Variants in GRIK2 observed in about 807,000 individuals in gnomAD.
GRIK2 encodes glutamate receptor ionotropic, kainate 2.
In GRIK2, 32 loss-of-function variants were observed where a neutral mutation model predicts 100.3. The ratio of observed to expected loss-of-function variants is 0.32; its 90% CI spans 0.24 to 0.43. The LOEUF is 0.43. GRIK2 is among the 20% of genes least tolerant of loss of function. The pLI is 1.00. For synonymous variants in GRIK2, 417 were observed against 389.4 expected, an observed-to-expected ratio of 1.07 and a Z score of -0.83; for missense variants, 843 against 1,114.9, an observed-to-expected ratio of 0.76 and a Z score of 3.47.
At chr6:101,752,789 A>T (rs530128940) in intron 7 of GRIK2, among the ~76,000 whole-genome samples, 7 of 152,204 alleles carry the variant, frequency 4.6e-5, no homozygotes, top group African/African-American at 1.4e-4. Context: ...AATATTGCAT[A>T]TGTAAGAGTA....
chr6:101,860,435 A>G (rs7755723), intron 11 of GRIK2, among the ~76,000 whole-genome samples: 1,625 of 152,236 alleles, frequency 0.011, 31 homozygotes, highest in African/African-American at 0.038. Context: ...GAAAGGAGAA[A>G]CTTGTGCATG....
At chr6:101,938,496 GATGGTAAATGTCTTATTCTTAA>G (rs1165929579) in intron 14 of GRIK2, among the ~76,000 whole-genome samples, 1 of 152,060 alleles carries the variant, frequency 6.6e-6, no homozygotes, top group Non-Finnish European at 1.5e-5. Context: ...GTCAAACATT[GATGGTAAATGTCTTATTCTTAA>G]AGAGATCTTA....
chr6:101,668,656 G>A (rs1770208900), intron 4 of GRIK2, among the ~76,000 whole-genome samples: 1 of 152,170 alleles, frequency 6.6e-6, no homozygotes. Flanking sequence ...GGTTGAGTCT[G>A]AGCTTGCATA....
chr6:101,696,327 A>C (rs1316726935), intron 7 of GRIK2, among the ~76,000 whole-genome samples: 1 of 151,608 alleles, frequency 6.6e-6, no homozygotes, highest in Non-Finnish European at 1.5e-5. Context: ...CAATAATCCT[A>C]CCTCTGATGT....
chr6:102,022,129 A>G (rs1164011227), intron 14 of GRIK2, among the ~76,000 whole-genome samples: 2 of 119,440 alleles, frequency 1.7e-5, no homozygotes, highest in African/African-American at 3.9e-5. Flanking sequence ...GAGTCTGTCT[A>G]TATAACACAC....
intron 3 of GRIK2, among the ~76,000 whole-genome samples, chr6:101,623,505 T>A (rs1183466569): frequency 6.6e-6 from 1 of 152,104 alleles, no homozygotes; most frequent in Non-Finnish European, 1.5e-5. Context: ...AAGTTCTGCC[T>A]CTAATGAAAG....
intron 2 of GRIK2, among the ~76,000 whole-genome samples, chr6:101,436,326 A>G (rs1475501341): frequency 2.0e-5 from 3 of 152,056 alleles, no homozygotes; most frequent in African/African-American, 7.2e-5. Context: ...TGAGTGATTC[A>G]GGATAGTGCA....
chr6:101,405,070 A>C (rs1208992378), intron 2 of GRIK2, among the ~76,000 whole-genome samples: 1 of 152,054 alleles, frequency 6.6e-6, no homozygotes, highest in Admixed American at 6.5e-5. Flanking sequence ...CACAGAACAC[A>C]ACTCTTACCG....
In GRIK2 at chr6:101,647,895, T is replaced by G. The variant is rs373346826; in HGVS notation, c.541+21258T>G. ...GTGCTAGTCTCAAATATTCATGGCT[T>G]AGGCAAGAGTTTATCAACCTTGGTG... On this transcript the variant is annotated intron_variant, in intron 4 of 16. Coordinates refer to ENST00000369134, the MANE Select transcript of GRIK2 (RefSeq NM_021956.5). 1.2e-3 allele frequency among the ~76,000 whole-genome samples: 184 copies of G among 152,114 alleles called. 6 individuals carry two copies. In the South Asian group the frequency reaches 0.036, roughly 30 times the overall value.
intron 9 of GRIK2, among the ~76,000 whole-genome samples, chr6:101,803,370 A>G (rs76356739): frequency 0.046 from 6,935 of 151,894 alleles, 188 homozygotes; most frequent in Non-Finnish European, 0.057. Context: ...CATTTTTGAT[A>G]GTGTCCCCAA....
intron 14 of GRIK2, among the ~76,000 whole-genome samples, chr6:102,024,700 G>A (rs189264249): frequency 1.3e-5 from 2 of 151,314 alleles, no homozygotes; most frequent in East Asian, 3.9e-4. Flanking sequence ...TATTAAAGCT[G>A]TACTCAAAAT....
chr6:101,397,819 GAT>G (rs1775073304), intron 1 of GRIK2, among the ~76,000 whole-genome samples: 1 of 151,914 alleles, frequency 6.6e-6, no homozygotes, highest in South Asian at 2.1e-4. Context: ...TTAATGATAA[GAT>G]ATAGGTCCAA....
At chr6:101,989,854 TTA>T (rs202126876) in intron 14 of GRIK2, among the ~76,000 whole-genome samples, 2 of 150,836 alleles carry the variant, frequency 1.3e-5, no homozygotes, top group African/African-American at 2.4e-5. Flanking sequence ...AACCATGAAA[TTA>T]TATATATATA....
chr6:101,602,181 C>A (rs1474157798), intron 2 of GRIK2, among the ~76,000 whole-genome samples: 1 of 151,468 alleles, frequency 6.6e-6, no homozygotes, highest in Non-Finnish European at 1.5e-5. Flanking sequence ...ATTGTTTATG[C>A]AGAAGTCATT....
At chr6:101,415,796 G>T (rs1456184403) in intron 2 of GRIK2, among the ~76,000 whole-genome samples, 1 of 151,962 alleles carries the variant, frequency 6.6e-6, no homozygotes, top group Non-Finnish European at 1.5e-5. Context: ...CTGGCTCTCC[G>T]GCCTTTGAGC....
intron 4 of GRIK2, among the ~76,000 whole-genome samples, chr6:101,639,124 C>A (rs1781163173): frequency 1.3e-5 from 2 of 152,160 alleles, no homozygotes; most frequent in South Asian, 4.1e-4. Context: ...ACTGCAACCC[C>A]CACCTTCCGG....
intron 10 of GRIK2, among the ~76,000 whole-genome samples, chr6:101,831,050 C>G (rs1430890140): frequency 6.6e-6 from 1 of 151,948 alleles, no homozygotes; most frequent in Non-Finnish European, 1.5e-5. Flanking sequence ...CATGAGAAGC[C>G]CAAACTTCAG....
chr6:101,895,856 T>C (rs1787405734), intron 12 of GRIK2, among the ~76,000 whole-genome samples: 1 of 151,792 alleles, frequency 6.6e-6, no homozygotes, highest in Non-Finnish European at 1.5e-5. Flanking sequence ...TAAAATTTAC[T>C]GAAAATTTAG....
chr6:101,561,474 G>C (rs867614365), intron 2 of GRIK2, among the ~76,000 whole-genome samples: 2 of 152,010 alleles, frequency 1.3e-5, no homozygotes, highest in African/African-American at 4.8e-5. Context: ...TTGTATAGTA[G>C]GGAAGTTATA....
Sources: gnomAD v4.1 joint callset for allele counts (sites outside exome capture counted in the v4.1 genomes callset) on GRCh38, gnomAD v4.1.1 for gene constraint, MANE v1.5 for transcripts, NCBI Gene and HGNC (gene_info 2026-07-23, HGNC 2026-07-21) for gene names.